Variants in DAB1 observed in about 807,000 individuals in gnomAD.
DAB1 encodes the protein disabled homolog 1.
DAB1 carries 15 observed loss-of-function variants against 64.6 expected under a neutral mutation model. The ratio of observed to expected loss-of-function variants is 0.23; its 90% CI spans 0.16 to 0.36. The LOEUF is 0.36. DAB1 is among the 10% of genes least tolerant of loss of function. DAB1 has a pLI of 1.00. For synonymous variants in DAB1, 235 were observed against 251.9 expected (o/e 0.93, Z 0.64); for missense variants, 596 against 706.7 (o/e 0.84, Z 1.78).
At chr1:58,355,564 A>G (rs1211851639) in intron 3 of DAB1, among the ~76,000 whole-genome samples, 1 of 152,126 alleles carries the variant, frequency 6.6e-6, no homozygotes, top group East Asian at 1.9e-4. Context: ...ATTAGTTTAA[A>G]ACTTCAATCT....
At chr1:57,481,302 G>A (rs955687525) in intron 7 of DAB1, among the ~76,000 whole-genome samples, 6 of 152,154 alleles carry the variant, frequency 3.9e-5, no homozygotes, top group East Asian at 1.9e-4. Flanking sequence ...CCCCATTTCC[G>A]TTTTCTACTA....
chr1:57,314,523 A>G (rs1675019447), intron 1 of DAB1, among the ~76,000 whole-genome samples: 1 of 152,132 alleles, frequency 6.6e-6, no homozygotes, highest in South Asian at 2.1e-4. Context: ...TGCTTACATT[A>G]GGGATGTTGT....
rs141836531 is a variant in DAB1, at chr1:58,102,193, C to A, written n.387+48318G>T. Among the ~76,000 whole-genome samples the A allele has an allele frequency of 5.3e-5, 8 of 152,324 alleles. No individual in the cohort carries two copies. The East Asian group carries it at 1.5e-3, about 29-fold the overall frequency. ...TGGAATCAAACCTAGTTATTGGGCTCCAAGGCCCTCGCTTTTGACCCACAA... is the reference window on the plus strand; with the variant it reads ...TGGAATCAAACCTAGTTATTGGGCTACAAGGCCCTCGCTTTTGACCCACAA... On this transcript the variant is annotated intron_variant and non_coding_transcript_variant, in intron 5 of 20. Coordinates refer to the DAB1 transcript ENST00000485760.
chr1:58,313,818 C>CGTGTGT (rs563478816), intron 4 of DAB1, among the ~76,000 whole-genome samples: 991 of 85,708 alleles, frequency 0.012, 14 homozygotes, highest in African/African-American at 0.042. Context: ...ATTGTATCTT[C>CGTGTGT]ATGTGTGTGT....
intron 7 of DAB1, among the ~76,000 whole-genome samples, chr1:57,465,432 AAATG>A (rs905844552): frequency 6.6e-6 from 1 of 152,182 alleles, no homozygotes; most frequent in African/African-American, 2.4e-5. Context: ...TTCCCTGAAC[AAATG>A]AATGAATGAA....
intron 7 of DAB1, among the ~76,000 whole-genome samples, chr1:57,477,948 A>C (rs1643959047): frequency 6.7e-6 from 1 of 150,068 alleles, no homozygotes; most frequent in Admixed American, 6.6e-5. Context: ...ACCTGTGCAC[A>C]ACGTGCAGGT....
intron 7 of DAB1, among the ~76,000 whole-genome samples, chr1:57,532,226 G>C (rs959145310): frequency 7.0e-6 from 1 of 143,772 alleles, no homozygotes; most frequent in Non-Finnish European, 1.5e-5. Flanking sequence ...TGGGGGAGGA[G>C]TGATAATGGT....
rs150215841 is a variant in DAB1, at chr1:57,608,656, A to G, written n.625+40936T>C. On this transcript the variant is annotated intron_variant and non_coding_transcript_variant, in intron 7 of 20. Coordinates refer to the DAB1 transcript ENST00000485760. ...TGGGATCACACTTAGTATTCAAACA[A>G]CTTTTCAGGTGAACATTATTATTCC... Among the ~76,000 whole-genome samples, 198 of 152,330 alleles carry G rather than the reference A, an allele frequency of 1.3e-3. 3 individuals are homozygous for G. Among genetic ancestry groups the G allele is most frequent in the Admixed American group, 6.3e-3 (96 of 15,294 alleles).
chr1:57,638,978 A>G (rs1004610983), intron 7 of DAB1, among the ~76,000 whole-genome samples: 2 of 142,818 alleles, frequency 1.4e-5, no homozygotes, highest in South Asian at 2.4e-4. Context: ...AGTTCTTCAT[A>G]AAGAACTTTA....
At chr1:57,211,766 C>A (rs1039194083) in intron 2 of DAB1, among the ~76,000 whole-genome samples, 1 of 149,318 alleles carries the variant, frequency 6.7e-6, no homozygotes, top group Non-Finnish European at 1.5e-5. Flanking sequence ...AAGTAAAAAA[C>A]AATAACAATA....
intron 7 of DAB1, among the ~76,000 whole-genome samples, chr1:57,531,690 G>A (rs562888992): frequency 1.3e-5 from 2 of 152,292 alleles, no homozygotes; most frequent in African/African-American, 4.8e-5. Context: ...GGCAACTGCA[G>A]GAAAGAGCAG....
chr1:57,213,303 T>C (rs959133627), intron 2 of DAB1, among the ~76,000 whole-genome samples: 4 of 152,212 alleles, frequency 2.6e-5, no homozygotes, highest in South Asian at 2.1e-4. Flanking sequence ...ATCTTTTTCT[T>C]TTTTCAGTAC....
chr1:57,091,361 C>G (rs1653662827), intron 4 of DAB1, among the ~76,000 whole-genome samples: 2 of 152,174 alleles, frequency 1.3e-5, no homozygotes, highest in South Asian at 4.1e-4. Context: ...TTGTATCATT[C>G]AAGGTTCTTT....
chr1:58,256,619 CA>C (rs1254395771), intron 4 of DAB1, among the ~76,000 whole-genome samples: 5 of 152,190 alleles, frequency 3.3e-5, no homozygotes, highest in Non-Finnish European at 4.4e-5. Context: ...GAATCCTCCC[CA>C]AGGTTCTCAC....
chr1:57,034,488 T>A (rs1235133296), intron 9 of DAB1, among the ~76,000 whole-genome samples: 1 of 152,132 alleles, frequency 6.6e-6, no homozygotes, highest in Non-Finnish European at 1.5e-5. Flanking sequence ...GGTCTCCCCC[T>A]GCAGCTGGTA....
intron 5 of DAB1, among the ~76,000 whole-genome samples, chr1:57,912,604 A>G (rs1393617786): frequency 6.6e-6 from 1 of 152,300 alleles, no homozygotes; most frequent in East Asian, 1.9e-4. Flanking sequence ...GCAATCAGGC[A>G]GGAGAAGGAA....
At position 56,995,575 on chromosome 1, in the gene DAB1, G is replaced by A. The variant is rs1645586728; in HGVS notation, c.*2569C>T. 1 of 152,150 alleles carries A rather than the reference G, an allele frequency of 6.6e-6. No individual in the cohort carries two copies. The highest frequency in any genetic ancestry group is 6.5e-5 in the Admixed American group (1 of 15,280). The allele number at this position is 152,150 out of a possible 1,614,324, so 9.4% of individuals were successfully genotyped here. ...TCTCCTGGACTTTCACCTTCTGCTAGGAAATTAACTCCAGATGGTATACCT... is the reference window on the plus strand; with the variant it reads ...TCTCCTGGACTTTCACCTTCTGCTAAGAAATTAACTCCAGATGGTATACCT... On this transcript the variant is annotated 3_prime_UTR_variant, in exon 15 of 15. Coordinates refer to ENST00000371236, the MANE Select transcript of DAB1 (RefSeq NM_001365792.1).
At chr1:57,655,557 C>G (rs1489981432) in intron 6 of DAB1, among the ~76,000 whole-genome samples, 2 of 152,144 alleles carry the variant, frequency 1.3e-5, no homozygotes, top group African/African-American at 4.8e-5. Context: ...GATTTAATAA[C>G]AAACTAGACT....
At chr1:57,386,366 GAAAAAA>G (rs5774342) in intron 1 of DAB1, among the ~76,000 whole-genome samples, 15,714 of 113,516 alleles carry the variant, frequency 0.14, 985 homozygotes, top group Admixed American at 0.17. Flanking sequence ...GGCCCCTTGG[GAAAAAA>G]AAAAAAAAAA....
Sources: gnomAD v4.1 joint callset for allele counts (sites outside exome capture counted in the v4.1 genomes callset) on GRCh38, gnomAD v4.1.1 for gene constraint, MANE v1.5 for transcripts, NCBI Gene and HGNC (gene_info 2026-07-23, HGNC 2026-07-21) for gene names.